LCORL: variants seen among roughly 807,000 people sequenced by gnomAD.
LCORL encodes the protein ligand-dependent nuclear receptor corepressor-like protein.
Under a neutral mutation model 141.8 loss-of-function variants are expected in LCORL, and 41 were observed. That is an observed-to-expected ratio of 0.29 (90% CI 0.23 to 0.38). The LOEUF (loss-of-function observed/expected upper bound fraction) is 0.38. LCORL is among the 10% of genes least tolerant of loss of function. LCORL has a pLI of 1.00. For missense variants in LCORL, 1,759 were observed against 2,035.0 expected (o/e 0.86, Z 2.61); for synonymous variants, 618 against 694.1 (o/e 0.89, Z 1.72).
chr4:17,845,963 G>C, intron 7 of LCORL, 62 bp from the exon 8 acceptor site: 1 of 1,354,032 alleles, frequency 7.4e-7, no homozygotes, highest in South Asian at 1.3e-5. Context: ...TATCAACCTT[G>C]TAAAAGAACA....
intron 1 of LCORL, among the ~76,000 whole-genome samples, chr4:17,981,396 C>CA (rs1222973822): frequency 6.6e-6 from 1 of 152,160 alleles, no homozygotes; most frequent in Non-Finnish European, 1.5e-5. Flanking sequence ...CACATGAATA[C>CA]AAAATTATCA....
chr4:17,855,551 T>C (rs1292360699), intron 7 of LCORL, among the ~76,000 whole-genome samples: 1 of 152,162 alleles, frequency 6.6e-6, no homozygotes, highest in Non-Finnish European at 1.5e-5. Context: ...TCTTTACTCA[T>C]CCTTAAATTT....
At chr4:17,900,278 CCTT>C in intron 5 of LCORL, among the ~76,000 whole-genome samples, 1 of 152,200 alleles carries the variant, frequency 6.6e-6, no homozygotes, top group South Asian at 2.1e-4. Context: ...TATAATCTCA[CCTT>C]ATTAAAAAAG....
intron 1 of LCORL, among the ~76,000 whole-genome samples, chr4:18,001,158 G>A (rs1026188475): frequency 3.9e-5 from 6 of 152,154 alleles, no homozygotes; most frequent in South Asian, 2.1e-4. Context: ...GCAACAGAGC[G>A]AGACCCTGTC....
At position 17,909,082 on chromosome 4, in the gene LCORL, A is replaced by C; in HGVS notation, c.682+12T>G. On this transcript the variant is annotated intron_variant, in intron 5 of 7. Coordinates refer to ENST00000635767, the Ensembl canonical transcript of LCORL. ...ATCAAATTATATATTAAATGCACAC[A>C]AAAAATCTTACCTTGCTGAGTATTT... The C allele has an allele frequency of 6.3e-7, 1 of 1,575,206 alleles. No individual in the cohort carries two copies. Among genetic ancestry groups the C allele is most frequent in the East Asian group, 2.3e-5 (1 of 44,334 alleles).
intron 1 of LCORL, among the ~76,000 whole-genome samples, chr4:17,985,844 T>G (rs1219969820): frequency 6.6e-6 from 1 of 152,230 alleles, no homozygotes; most frequent in Non-Finnish European, 1.5e-5. Flanking sequence ...TTTGTGTGGT[T>G]GCTTTACAGT....
intron 5 of LCORL, among the ~76,000 whole-genome samples, chr4:17,908,073 C>T (rs1471667389): frequency 2.0e-5 from 3 of 152,060 alleles, no homozygotes; most frequent in African/African-American, 7.3e-5. Context: ...GCTCTTGTTG[C>T]CCAGGCTGGA....
intron 5 of LCORL, among the ~76,000 whole-genome samples, chr4:17,902,271 T>G (rs1469988841): frequency 1.3e-5 from 2 of 152,234 alleles, no homozygotes; most frequent in Non-Finnish European, 2.9e-5. Context: ...AGCGTAGGCC[T>G]AGATCTGGAA....
At chr4:17,845,727 C>G (rs745830296) in exon 8 of LCORL, 7 of 1,605,608 alleles carry the variant, frequency 4.4e-6, no homozygotes, top group Middle Eastern at 1.7e-4. Flanking sequence ...CAATCTATTT[C>G]TCTTCGCTTT....
chr4:17,893,654 A>G (rs563785803), intron 5 of LCORL: 1 of 919,174 alleles, frequency 1.1e-6, no homozygotes, highest in African/African-American at 1.8e-5. Context: ...TTGCTACAGT[A>G]GGTAAAGCTA....
At chr4:17,931,993 A>G (rs1736119235) in intron 4 of LCORL, among the ~76,000 whole-genome samples, 1 of 152,162 alleles carries the variant, frequency 6.6e-6, no homozygotes, top group Non-Finnish European at 1.5e-5. Flanking sequence ...AGTAAATGTT[A>G]CATCCACACA....
At chr4:17,876,086 A>G in exon 7 of LCORL, 1 of 1,231,066 alleles carries the variant, frequency 8.1e-7, no homozygotes, top group Admixed American at 4.2e-5. Flanking sequence ...CACTACTTTT[A>G]ACCTCAGATA....
chr4:17,989,462 A>G (rs1206368943), intron 1 of LCORL, among the ~76,000 whole-genome samples: 1 of 152,220 alleles, frequency 6.6e-6, no homozygotes, highest in Non-Finnish European at 1.5e-5. Flanking sequence ...CACCAAAGTA[A>G]GTTTACTCAG....
At chr4:17,927,690 TG>T (rs796514774) in intron 4 of LCORL, among the ~76,000 whole-genome samples, 3 of 152,276 alleles carry the variant, frequency 2.0e-5, no homozygotes, top group African/African-American at 7.2e-5. Context: ...GACTGGTCAG[TG>T]GAACTGTCAG....
chr4:17,898,142 C>A (rs1730277169), intron 5 of LCORL, among the ~76,000 whole-genome samples: 1 of 151,768 alleles, frequency 6.6e-6, no homozygotes, highest in African/African-American at 2.4e-5. Flanking sequence ...AAAATAATGA[C>A]AACATTATTA....
rs905729939 is a variant in LCORL at position 17,998,552 on chromosome 4, T to C, written c.154+23046A>G. Among the ~76,000 whole-genome samples the C allele has an allele frequency of 2.0e-5, 3 of 152,124 alleles. 1 individual carries two copies. Among genetic ancestry groups the C allele is most frequent in the Admixed American group, 1.3e-4 (2 of 15,270 alleles). ...TATTACTATCTTCCACCTTAACATC[T>C]TGTCCCACTGGAAAATCTTCAGGGG... On this transcript the variant is annotated intron_variant, in intron 1 of 7. Transcript: ENST00000635767.
Position 18,021,335 on chromosome 4 carries a change from G to C in LCORL, c.154+263C>G, listed in dbSNP as rs959951120. On this transcript the variant is annotated intron_variant, in intron 1 of 7. Coordinates refer to ENST00000635767, the Ensembl canonical transcript of LCORL. This position sits in a 1 kb window ranked among gnomAD's most constrained non-coding sequence, Gnocchi z 5.5. ...GAGAGAGCGAGCGGGCGGCTTCCGC[G>C]GGGGCTCAGCAAGCGGGTCCAAACT... Among the ~76,000 whole-genome samples the C allele has an allele frequency of 6.6e-6, 1 of 152,122 alleles. No homozygotes were observed. Among genetic ancestry groups the C allele is most frequent in the Non-Finnish European group, 1.5e-5 (1 of 68,010 alleles).
intron 1 of LCORL, among the ~76,000 whole-genome samples, chr4:17,980,936 G>C (rs1309637212): frequency 6.6e-6 from 1 of 152,118 alleles, no homozygotes; most frequent in Non-Finnish European, 1.5e-5. Context: ...CCAAAACCAT[G>C]CCCCTGTCCA....
exon 8 of LCORL, chr4:17,843,654 T>G (rs1329080343): frequency 2.9e-6 from 1 of 346,708 alleles, no homozygotes; most frequent in Non-Finnish European, 5.4e-6. Flanking sequence ...CAATCTGAGG[T>G]GGGCCTAGGA....
Sources: allele counts gnomAD v4.1 joint callset (sites outside exome capture counted in the v4.1 genomes callset), GRCh38; gene constraint gnomAD v4.1.1; non-coding constraint Gnocchi (gnomAD v3.1); transcripts MANE v1.5; gene names NCBI Gene and HGNC (gene_info 2026-07-23, HGNC 2026-07-21).